Variants in GALNT13 observed in about 807,000 individuals in gnomAD.
GALNT13 encodes the protein UDP-GalNAc:polypeptide N-acetylgalactosaminyltransferase 13.
Under a neutral mutation model 64.2 loss-of-function variants are expected in GALNT13, and 28 were observed. The observed-to-expected ratio is 0.44, with a 90% CI of 0.32 to 0.60. The LOEUF (loss-of-function observed/expected upper bound fraction) is 0.60. GALNT13 is among the 20% of genes least tolerant of loss of function. GALNT13 has a pLI of 0.05. For synonymous variants in GALNT13, 214 were observed against 224.6 expected, an observed-to-expected ratio of 0.95 and a Z score of 0.42; for missense variants, 577 against 669.8, an observed-to-expected ratio of 0.86 and a Z score of 1.53.
rs796865437 is a variant in GALNT13 at position 153,931,600 on chromosome 2, A to G, written c.-104-12794A>G. ...TTGAAAACTTTTTCTGTGTCTATCA[A>G]GATGATCATGTGGTTTTTATTTTTA... On this transcript the variant is annotated intron_variant, in intron 2 of 12. Coordinates refer to ENST00000392825, the MANE Select transcript of GALNT13 (RefSeq NM_052917.4). Among the ~76,000 whole-genome samples, 14 of 152,232 alleles carry G rather than the reference A, an allele frequency of 9.2e-5. 1 individual carries two copies. The highest frequency in any genetic ancestry group is 3.4e-4 in the African/African-American group (14 of 41,548).
chr2:153,419,080 C>T, the GALNT13 span, among the ~76,000 whole-genome samples: 14 of 152,072 alleles, frequency 9.2e-5, 1 homozygote, highest in Non-Finnish European at 1.0e-4. Flanking sequence ...AAGAAATACC[C>T]GAGACTGGGT....
the GALNT13 span, among the ~76,000 whole-genome samples, chr2:153,402,903 T>G: frequency 6.6e-6 from 1 of 152,216 alleles, no homozygotes; most frequent in Non-Finnish European, 1.5e-5. Flanking sequence ...GTAATTTGAT[T>G]GTCTGAAGCC....
At chr2:153,443,955 CATTCTCCCAAG>C in the GALNT13 span, among the ~76,000 whole-genome samples, 1 of 152,112 alleles carries the variant, frequency 6.6e-6, no homozygotes, top group Admixed American at 6.5e-5. Context: ...AGGGCCTTCC[CATTCTCCCAAG>C]ATTATGTTAG....
In GALNT13 at chr2:154,259,015, A is replaced by G. The variant is rs1338252899; in HGVS notation, c.858-6A>G. On this transcript the variant is annotated splice_polypyrimidine_tract_variant and splice_region_variant and intron_variant, in intron 7 of 12. Transcript: ENST00000392825. ...TATTCTTTTCTTTTTGTTTTTTTTC[A>G]ACTAGGACCCCTACTATGGCTGGTG... The G allele has an allele frequency of 1.4e-6, 2 of 1,480,720 alleles. No individual in the cohort carries two copies. The highest frequency in any genetic ancestry group is 9.4e-7 in the Non-Finnish European group (1 of 1,061,698). 91.7% of individuals were successfully genotyped at this position (1,480,720 alleles called of 1,614,324 possible). A position where few individuals can be genotyped will look rare whatever the true frequency, so the allele number is the denominator to read the frequency against.
At chr2:154,197,355 C>T (rs1199795997) in intron 4 of GALNT13, among the ~76,000 whole-genome samples, 1 of 152,088 alleles carries the variant, frequency 6.6e-6, no homozygotes, top group Non-Finnish European at 1.5e-5. Flanking sequence ...TAATATGTTT[C>T]TCCAAACAAA....
chr2:153,694,208 T>G, the GALNT13 span, among the ~76,000 whole-genome samples: 1 of 152,174 alleles, frequency 6.6e-6, no homozygotes, highest in Non-Finnish European at 1.5e-5. Flanking sequence ...AAGTTTAACT[T>G]TCCCTTCGGC....
the GALNT13 span, among the ~76,000 whole-genome samples, chr2:153,224,614 T>A: frequency 6.6e-6 from 1 of 152,160 alleles, no homozygotes; most frequent in East Asian, 1.9e-4. Flanking sequence ...CTCACAAGGC[T>A]AAGCAAGAAA....
intron 3 of GALNT13, among the ~76,000 whole-genome samples, chr2:154,099,278 T>C (rs1702227938): frequency 6.6e-6 from 1 of 152,174 alleles, no homozygotes; most frequent in Admixed American, 6.5e-5. Flanking sequence ...TGTTTTTTCT[T>C]GTTGAGTTAT....
the GALNT13 span, among the ~76,000 whole-genome samples, chr2:153,435,953 T>C: frequency 6.6e-6 from 1 of 152,176 alleles, no homozygotes; most frequent in Non-Finnish European, 1.5e-5. Context: ...AGTATGATAT[T>C]GGCTGTGGGT....
the GALNT13 span, among the ~76,000 whole-genome samples, chr2:153,378,210 C>T: frequency 1.3e-5 from 2 of 151,560 alleles, no homozygotes; most frequent in Admixed American, 1.3e-4. Flanking sequence ...ATGTATTATA[C>T]AGAGCCAATG....
At chr2:153,096,281 C>T in the GALNT13 span, among the ~76,000 whole-genome samples, 5 of 151,472 alleles carry the variant, frequency 3.3e-5, no homozygotes, top group Admixed American at 2.0e-4. Context: ...TTTTTTGTGA[C>T]CTAACATATG....
At chr2:153,808,378 C>T in the GALNT13 span, among the ~76,000 whole-genome samples, 1 of 152,030 alleles carries the variant, frequency 6.6e-6, no homozygotes, top group East Asian at 1.9e-4. Context: ...TTTCTCATTA[C>T]CATTTTCAGC....
chr2:153,787,926 C>T, the GALNT13 span, among the ~76,000 whole-genome samples: 1 of 152,058 alleles, frequency 6.6e-6, no homozygotes, highest in Non-Finnish European at 1.5e-5. Flanking sequence ...ACATTTGAGA[C>T]ATAGGAGATT....
chr2:154,157,213 A>G (rs1173089672), intron 4 of GALNT13, among the ~76,000 whole-genome samples: 1 of 152,112 alleles, frequency 6.6e-6, no homozygotes, highest in Admixed American at 6.6e-5. Flanking sequence ...TCACCATGGC[A>G]TCTACCCATC....
the GALNT13 span, among the ~76,000 whole-genome samples, chr2:153,794,809 G>A: frequency 3.3e-5 from 5 of 152,120 alleles, no homozygotes; most frequent in Non-Finnish European, 7.4e-5. Context: ...GTGAGCCACC[G>A]TGCCCAGCCT....
chr2:153,754,645 G>A, the GALNT13 span, among the ~76,000 whole-genome samples: 1 of 152,060 alleles, frequency 6.6e-6, no homozygotes, highest in Non-Finnish European at 1.5e-5. Context: ...TGCAGCCTGG[G>A]GTTAAAGGAG....
At chr2:153,355,153 T>G in the GALNT13 span, among the ~76,000 whole-genome samples, 17 of 152,054 alleles carry the variant, frequency 1.1e-4, no homozygotes, top group Non-Finnish European at 2.2e-4. Context: ...TCGTGAGGAG[T>G]GTGAGAACAG....
chr2:153,291,144 C>A, the GALNT13 span, among the ~76,000 whole-genome samples: 4 of 152,014 alleles, frequency 2.6e-5, no homozygotes, highest in African/African-American at 9.7e-5. Context: ...GGCCACTAGT[C>A]CTAATCATGA....
At chr2:153,376,740 T>G in the GALNT13 span, among the ~76,000 whole-genome samples, 1 of 152,170 alleles carries the variant, frequency 6.6e-6, no homozygotes, top group African/African-American at 2.4e-5. Flanking sequence ...ATGGAATACA[T>G]GCATAGTAAT....
Sources: allele counts gnomAD v4.1 joint callset (sites outside exome capture counted in the v4.1 genomes callset), GRCh38; gene constraint gnomAD v4.1.1; transcripts MANE v1.5; gene names NCBI Gene and HGNC (gene_info 2026-07-23, HGNC 2026-07-21).